Variants in HELZ observed in about 807,000 individuals in gnomAD.
HELZ encodes the protein ATP-dependent RNA helicase with zinc finger domain.
In HELZ, 23 loss-of-function variants were observed where a neutral mutation model predicts 218.2. That is an observed-to-expected ratio of 0.11 (90% CI 0.08 to 0.15). The LOEUF is 0.15. Among genes scored for constraint, HELZ ranks in the 10% least tolerant of loss-of-function variants. HELZ has a pLI of 1.00. For missense variants in HELZ, 1,813 were observed against 2,353.7 expected (o/e 0.77, Z 4.75); for synonymous variants, 814 against 829.4 (o/e 0.98, Z 0.32).
At chr17:67,130,005 AG>A (rs1332434030) in intron 23 of HELZ, among the ~76,000 whole-genome samples, 9 of 152,156 alleles carry the variant, frequency 5.9e-5, no homozygotes, top group Non-Finnish European at 8.8e-5. Flanking sequence ...ATAAATGAAA[AG>A]GTTTATATTA....
intron 12 of HELZ, among the ~76,000 whole-genome samples, chr17:67,186,101 C>A (rs979482106): frequency 2.0e-5 from 3 of 151,852 alleles, no homozygotes; most frequent in Admixed American, 2.0e-4. Flanking sequence ...CTTTTTAAGT[C>A]CTCTGCTTGC....
At chr17:67,121,016 CA>C (rs1371210661) in intron 26 of HELZ, among the ~76,000 whole-genome samples, 1 of 152,062 alleles carries the variant, frequency 6.6e-6, no homozygotes, top group East Asian at 1.9e-4. Flanking sequence ...GTTTAATAGA[CA>C]GGGGGAAAAG....
intron 17 of HELZ, among the ~76,000 whole-genome samples, chr17:67,157,601 A>G (rs1334857157): frequency 6.6e-6 from 1 of 152,338 alleles, no homozygotes; most frequent in East Asian, 1.9e-4. Flanking sequence ...AGTATAAAAT[A>G]TAAGTAATAC....
chr17:67,104,818 T>C (rs550854790), intron 31 of HELZ, among the ~76,000 whole-genome samples: 2 of 151,942 alleles, frequency 1.3e-5, no homozygotes, highest in Admixed American at 1.3e-4. Flanking sequence ...AATAGGGAAA[T>C]GCAAATCAAA....
At chr17:67,133,837 T>C (rs1332980937) in intron 23 of HELZ, among the ~76,000 whole-genome samples, 1 of 152,130 alleles carries the variant, frequency 6.6e-6, no homozygotes, top group East Asian at 1.9e-4. Flanking sequence ...TTAAATCCAT[T>C]TACTCCCCTA....
intron 17 of HELZ, among the ~76,000 whole-genome samples, chr17:67,155,591 C>T (rs1232281828): frequency 7.9e-5 from 12 of 152,170 alleles, no homozygotes; most frequent in Admixed American, 1.3e-4. Flanking sequence ...CTACCATACA[C>T]TTTGGGAGGC....
intron 31 of HELZ, among the ~76,000 whole-genome samples, chr17:67,095,539 C>T (rs2036716978): frequency 6.6e-6 from 1 of 152,158 alleles, no homozygotes; most frequent in Admixed American, 6.5e-5. Flanking sequence ...CGAAGCAAGA[C>T]CCTTCTCTTC....
At position 67,160,158 on chromosome 17, in the gene HELZ, T is replaced by TA. The variant is rs1490998951; in HGVS notation, c.2177+102dup. The TA allele has an allele frequency of 1.1e-5, 8 of 709,430 alleles. No individual in the cohort carries two copies. The Admixed American group carries it at 2.0e-4, about 18-fold the overall frequency. The allele number at this position is 709,430 out of a possible 1,614,324, so 43.9% of individuals were successfully genotyped here. A position where few individuals can be genotyped will look rare whatever the true frequency, so the allele number is the denominator to read the frequency against. On this transcript the variant is annotated intron_variant, in intron 17 of 32. Coordinates refer to ENST00000358691, the MANE Select transcript of HELZ (RefSeq NM_014877.4). Reference sequence around the variant, plus strand: ...GACATAACCTCTAAATGTCAATGCATAAAGACTTTGGTATTTCCAAAGTTA... The same window carrying TA: ...GACATAACCTCTAAATGTCAATGCATAAAAGACTTTGGTATTTCCAAAGTTA...
At chr17:67,109,052 T>TTA (rs1419902850) in intron 29 of HELZ, 64 bp downstream of exon 29, 1 of 1,291,354 alleles carries the variant, frequency 7.7e-7, no homozygotes, top group Non-Finnish European at 1.1e-6. Flanking sequence ...CAAAATGATA[T>TTA]TATACAGTCC....
At chr17:67,162,991 T>C (rs1409459504) in intron 15 of HELZ, among the ~76,000 whole-genome samples, 1 of 152,200 alleles carries the variant, frequency 6.6e-6, no homozygotes, top group Non-Finnish European at 1.5e-5. Flanking sequence ...CACAATCAGT[T>C]CAGTAAACTG....
intron 31 of HELZ, among the ~76,000 whole-genome samples, chr17:67,088,357 A>G (rs559105797): frequency 4.1e-4 from 62 of 152,342 alleles, no homozygotes; most frequent in African/African-American, 1.3e-3. Context: ...TGGAGGCTGG[A>G]TTAAAAAGAA....
At chr17:67,142,884 G>GT (rs2038373532) in intron 21 of HELZ, among the ~76,000 whole-genome samples, 2 of 152,038 alleles carry the variant, frequency 1.3e-5, no homozygotes, top group Non-Finnish European at 2.9e-5. Context: ...AGCCTCCTGA[G>GT]TAGCTGGTAT....
rs2035862727 is a variant in HELZ at position 67,070,596 on chromosome 17, A to G, written c.*7656T>C. ...CCAAGTTGAAAACTTGTTCTATGGA[A>G]CCAAAGTAGCTAACGTAATTCCAAA... On this transcript the variant is annotated 3_prime_UTR_variant, in exon 33 of 33. Transcript: ENST00000358691. The G allele has an allele frequency of 6.6e-6, 1 of 152,242 alleles. No homozygotes were observed. Among genetic ancestry groups the G allele is most frequent in the African/African-American group, 2.4e-5 (1 of 41,478 alleles). The allele number at this position is 152,242 out of a possible 1,614,324, so 9.4% of individuals were successfully genotyped here.
intron 20 of HELZ, 31 bp downstream of exon 20, chr17:67,148,538 G>A: frequency 6.3e-7 from 1 of 1,591,148 alleles, no homozygotes. Context: ...ACCAACGAAA[G>A]TATGACACGG....
chr17:67,208,614 T>C lies in HELZ; in HGVS notation c.248-5171A>G, dbSNP rs546980964. Among the ~76,000 whole-genome samples, 26 of 152,166 alleles carry C rather than the reference T, an allele frequency of 1.7e-4. No homozygotes were observed. The South Asian group carries it at 2.3e-3, about 13-fold the overall frequency. On this transcript the variant is annotated intron_variant, in intron 5 of 32. Transcript: ENST00000358691. Reference sequence around the variant, plus strand: ...AATAGTTTGTAACTGGATCTAACAATGAATTAAGAAATGTTGTTAAGGCTG... The same window carrying C: ...AATAGTTTGTAACTGGATCTAACAACGAATTAAGAAATGTTGTTAAGGCTG...
At position 67,167,514 on chromosome 17, in the gene HELZ, T is replaced by G. The variant is rs781626564; in HGVS notation, c.1713A>C (p.Leu571=). The change falls in exon 14 of 33, where the codon CTA becomes CTC. Residue 571 remains leucine (L), a synonymous_variant. Coordinates refer to ENST00000358691, the MANE Select transcript of HELZ (RefSeq NM_014877.4). ...EKTKEYIFLR[L]SRECCEELNL... is the part of the protein sequence containing the mutation. ...TAAGTTCTTCACAGCATTCCCTAGA[T>G]AGCCTTAAAAATATATATTCCTTTG... is the stretch of plus-strand genomic sequence containing the variant. The G allele has an allele frequency of 6.2e-7, 1 of 1,613,922 alleles. No homozygotes were observed. Among genetic ancestry groups the G allele is most frequent in the Non-Finnish European group, 8.5e-7 (1 of 1,179,796 alleles).
In HELZ at chr17:67,078,433, C is replaced by A. The variant is rs2036082894; in HGVS notation, c.5648G>T (p.Ser1883Ile). 1 of 1,595,606 alleles carries A rather than the reference C, an allele frequency of 6.3e-7. No homozygotes were observed. Among genetic ancestry groups the A allele is most frequent in the African/African-American group, 1.4e-5 (1 of 73,808 alleles). ...CTTGCCCCCCGCAGAGCTCTGGGGG[C>A]TACTGCTATTGGCCGACTCCGCGAT... ...KQIAESANSS[S>I]PQSSAGGKPA... Residue 1883 changes from serine (S) to isoleucine (I), a missense_variant, in exon 33 of 33, where the codon AGC becomes ATC. By Grantham distance (142) the Ser-to-Ile change is moderately radical. This residue lies in a region of HELZ where 938 missense variants were observed against 1,027.5 expected (regional missense o/e 0.91). Transcript: ENST00000358691.
chr17:67,232,307 C>T (rs1204679995), intron 3 of HELZ, among the ~76,000 whole-genome samples: 1 of 152,030 alleles, frequency 6.6e-6, no homozygotes. Context: ...CCATAACCGG[C>T]TATGCCCGGC....
intron 27 of HELZ, among the ~76,000 whole-genome samples, chr17:67,115,937 C>A (rs185585338): frequency 4.0e-4 from 61 of 152,180 alleles, no homozygotes; most frequent in African/African-American, 1.3e-3. Flanking sequence ...ATTTAGAACT[C>A]TTTTACTTGG....
Sources: allele counts gnomAD v4.1 joint callset (sites outside exome capture counted in the v4.1 genomes callset), GRCh38; gene constraint gnomAD v4.1.1; regional missense constraint gnomAD v4.1.1; transcripts MANE v1.5; gene names NCBI Gene and HGNC (gene_info 2026-07-23, HGNC 2026-07-21).